The following ACSS3 variants were observed in gnomAD, a reference collection of about 807,000 sequenced individuals.
ACSS3 encodes acyl-CoA synthetase short chain family member 3, also known as acyl-CoA synthetase short-chain family member 3, mitochondrial.
In ACSS3, 64 loss-of-function variants were observed where a neutral mutation model predicts 84.2. That is an observed-to-expected ratio of 0.76 (90% CI 0.62 to 0.94). The LOEUF (loss-of-function observed/expected upper bound fraction) is 0.94, where lower values mean the gene tolerates loss of function less well. Ranked by LOEUF, ACSS3 falls within the 40% of genes least tolerant of loss-of-function variation. The pLI is 0.00. For synonymous variants in ACSS3, 317 were observed against 310.1 expected, an observed-to-expected ratio of 1.02 and a Z score of -0.23; for missense variants, 815 against 867.6, an observed-to-expected ratio of 0.94 and a Z score of 0.76.
chr12:81,253,371 G>A lies in ACSS3; in HGVS notation c.1784G>A (p.Gly595Asp). 6.2e-7 allele frequency: 1 copy of A among 1,613,880 alleles called. No homozygotes were observed. ...GTTGGCAAGGAAGATCCCTTAAAAGGTCATGTCCCCTTAGCACTCTGTGTA... is the reference window on the plus strand; with the variant it reads ...GTTGGCAAGGAAGATCCCTTAAAAGATCATGTCCCCTTAGCACTCTGTGTA... ...AVVGKEDPLK[G>D]HVPLALCVLR... The change falls in exon 14 of 16, where the codon GGT (glycine) becomes GAT (aspartate). Residue 595 changes from glycine (G) to aspartate (D), a missense_variant. Physicochemically the swap from Gly to Asp is moderately conservative, Grantham distance 94 (BLOSUM62 -1). Coordinates refer to ENST00000548058, the MANE Select transcript of ACSS3 (RefSeq NM_024560.4).
At chr12:81,143,405 C>T (rs1417487479) in intron 5 of ACSS3, 158 bp downstream of exon 5, 6 of 653,204 alleles carry the variant, frequency 9.2e-6, no homozygotes, top group African/African-American at 7.4e-5. Flanking sequence ...GTCTGGAGTG[C>T]AGTGGCGTGA....
In ACSS3 at chr12:81,255,929, T is replaced by G. The variant is rs1429922010; in HGVS notation, c.*1007T>G. On this transcript the variant is annotated 3_prime_UTR_variant, in exon 16 of 16. Coordinates refer to ENST00000548058, the MANE Select transcript of ACSS3 (RefSeq NM_024560.4). The stretch of plus-strand genomic sequence containing the variant: ...TCAGGTTCTTAGTTGACTATGTTTA[T>G]CCAAATGATTCCAGATTCCTGTGGA... The G allele has an allele frequency of 6.6e-6, 1 of 152,234 alleles. No homozygotes were observed. The highest frequency in any genetic ancestry group is 6.5e-5 in the Admixed American group (1 of 15,286). The allele number at this position is 152,234 out of a possible 1,614,324, so 9.4% of individuals were successfully genotyped here.
intron 1 of ACSS3, among the ~76,000 whole-genome samples, chr12:81,089,401 T>A (rs147910198): frequency 6.6e-6 from 1 of 152,052 alleles, no homozygotes; most frequent in East Asian, 1.9e-4. Context: ...AGAGATATAT[T>A]TCTTGGAAAT....
At position 81,162,494 on chromosome 12, in the gene ACSS3, AT is replaced by A. The variant is rs1323494452; in HGVS notation, c.1098+10399del. 2.0e-5 allele frequency among the ~76,000 whole-genome samples: 3 copies of A among 152,284 alleles called. No homozygotes were observed. In the South Asian group the frequency reaches 6.2e-4, roughly 32 times the overall value. ...ATGGTCTTCAGAAGGGAGAAAGTGC[AT>A]GCTGATTGGCCTATTAGCAGCCATG... On this transcript the variant is annotated intron_variant, in intron 7 of 15. Coordinates refer to ENST00000548058, the MANE Select transcript of ACSS3 (RefSeq NM_024560.4).
chr12:81,149,740 TA>T (rs1226509674), intron 5 of ACSS3, among the ~76,000 whole-genome samples: 2 of 152,232 alleles, frequency 1.3e-5, no homozygotes, highest in Non-Finnish European at 2.9e-5. Flanking sequence ...TTAATTGTTT[TA>T]AATGAGAATC....
rs187230173 is a variant in ACSS3 at position 81,254,488 on chromosome 12, A to C, written c.1996-369A>C. Among the ~76,000 whole-genome samples the C allele has an allele frequency of 1.2e-4, 19 of 152,260 alleles. No individual in the cohort carries two copies. In the East Asian group the frequency reaches 2.1e-3, roughly 17 times the overall value. On this transcript the variant is annotated intron_variant, in intron 15 of 15. Coordinates refer to ENST00000548058, the MANE Select transcript of ACSS3 (RefSeq NM_024560.4). ...ATTTGTGTGTACATTATGTGTGCAA[A>C]GATATACCTATTTTTATCATTAAGA... is the stretch of plus-strand genomic sequence containing the variant.
At chr12:81,237,426 A>C (rs1040267332) in intron 13 of ACSS3, among the ~76,000 whole-genome samples, 1 of 151,696 alleles carries the variant, frequency 6.6e-6, no homozygotes, top group Non-Finnish European at 1.5e-5. Context: ...CCATAGTTAT[A>C]ATATTTAAGT....
At chr12:81,130,373 C>A (rs1278353398) in intron 2 of ACSS3, among the ~76,000 whole-genome samples, 1 of 152,150 alleles carries the variant, frequency 6.6e-6, no homozygotes, top group Non-Finnish European at 1.5e-5. Flanking sequence ...TCTCTGATGA[C>A]CAGTGATGAT....
At chr12:81,086,605 A>T (rs1482470718) in intron 1 of ACSS3, among the ~76,000 whole-genome samples, 1 of 152,150 alleles carries the variant, frequency 6.6e-6, no homozygotes, top group Non-Finnish European at 1.5e-5. Context: ...GTTGGGGGAA[A>T]ATCCACACTC....
intron 2 of ACSS3, among the ~76,000 whole-genome samples, chr12:81,121,066 C>T (rs866996518): frequency 1.3e-5 from 2 of 152,174 alleles, no homozygotes; most frequent in Non-Finnish European, 2.9e-5. Context: ...GTTGTTAAAA[C>T]TGACCCAGCT....
chr12:81,149,152 G>C (rs1286992889), intron 5 of ACSS3, among the ~76,000 whole-genome samples: 1 of 151,936 alleles, frequency 6.6e-6, no homozygotes, highest in Admixed American at 6.6e-5. Context: ...AATGAAGAAG[G>C]TTTGTGTTTT....
chr12:81,091,415 GA>G (rs1195184001), intron 1 of ACSS3, among the ~76,000 whole-genome samples: 1 of 151,736 alleles, frequency 6.6e-6, no homozygotes, highest in Non-Finnish European at 1.5e-5. Context: ...TTGAATTTTA[GA>G]AAAAATATAA....
At chr12:81,117,363 A>G (rs1884132309) in intron 2 of ACSS3, among the ~76,000 whole-genome samples, 1 of 152,224 alleles carries the variant, frequency 6.6e-6, no homozygotes. Context: ...GGTATAAGTG[A>G]AGAACAATAA....
At chr12:81,252,528 A>T (rs1401347453) in intron 13 of ACSS3, among the ~76,000 whole-genome samples, 1 of 152,056 alleles carries the variant, frequency 6.6e-6, no homozygotes, top group Non-Finnish European at 1.5e-5. Flanking sequence ...AATAATGATT[A>T]TTGGGGTCAC....
intron 13 of ACSS3, among the ~76,000 whole-genome samples, chr12:81,247,142 T>A (rs2034008124): frequency 6.6e-6 from 1 of 152,190 alleles, no homozygotes; most frequent in South Asian, 2.1e-4. Flanking sequence ...TGTGATAACC[T>A]GAAATTGAAA....
At chr12:81,148,219 C>A (rs981620937) in intron 5 of ACSS3, among the ~76,000 whole-genome samples, 6 of 152,068 alleles carry the variant, frequency 3.9e-5, no homozygotes, top group African/African-American at 1.4e-4. Context: ...TTACCACACA[C>A]TTCAGGCTTC....
chr12:81,123,167 A>T (rs1026275695), intron 2 of ACSS3, among the ~76,000 whole-genome samples: 1 of 152,216 alleles, frequency 6.6e-6, no homozygotes, highest in Non-Finnish European at 1.5e-5. Context: ...GATTCAATTA[A>T]ATATCTCTTG....
chr12:81,250,631 A>C (rs1486062813), intron 13 of ACSS3, among the ~76,000 whole-genome samples: 2 of 152,134 alleles, frequency 1.3e-5, no homozygotes, highest in African/African-American at 2.4e-5. Context: ...AACTCTAGTC[A>C]TATTGGTTAG....
intron 13 of ACSS3, among the ~76,000 whole-genome samples, chr12:81,239,045 T>A (rs968723120): frequency 6.6e-6 from 1 of 151,902 alleles, no homozygotes; most frequent in East Asian, 1.9e-4. Context: ...TAAATATTGA[T>A]GTTATATTAT....
Sources: gnomAD v4.1 joint callset for allele counts (sites outside exome capture counted in the v4.1 genomes callset) on GRCh38, gnomAD v4.1.1 for gene constraint, MANE v1.5 for transcripts, NCBI Gene and HGNC (gene_info 2026-07-23, HGNC 2026-07-21) for gene names.